The following SOX5 variants were observed in gnomAD, a reference collection of about 807,000 sequenced individuals.
SOX5 encodes the protein transcription factor SOX-5.
SOX5 carries 9 observed loss-of-function variants against 92.0 expected under a neutral mutation model. The ratio of observed to expected loss-of-function variants is 0.10; its 90% CI spans 0.06 to 0.17. The LOEUF (loss-of-function observed/expected upper bound fraction) is 0.17, where lower values mean the gene tolerates loss of function less well. Among genes scored for constraint, SOX5 ranks in the 10% least tolerant of loss-of-function variants. The pLI is 1.00. For missense variants in SOX5, 642 were observed against 944.5 expected, an observed-to-expected ratio of 0.68 and a Z score of 4.20; for synonymous variants, 344 against 336.3, an observed-to-expected ratio of 1.02 and a Z score of -0.25.
chr12:23,607,589 G>A (rs1181766463), intron 8 of SOX5, among the ~76,000 whole-genome samples: 1 of 152,104 alleles, frequency 6.6e-6, no homozygotes, highest in Non-Finnish European at 1.5e-5. Flanking sequence ...GAAATGATGA[G>A]CAGTTTCCTT....
At chr12:24,286,857 T>C (rs1945927097) in intron 2 of SOX5, among the ~76,000 whole-genome samples, 1 of 152,240 alleles carries the variant, frequency 6.6e-6, no homozygotes, top group Non-Finnish European at 1.5e-5. Flanking sequence ...TTGTTACTTA[T>C]CCAAGTGATC....
intron 2 of SOX5, among the ~76,000 whole-genome samples, chr12:23,888,507 T>C (rs1017942256): frequency 6.6e-6 from 1 of 152,216 alleles, no homozygotes; most frequent in Non-Finnish European, 1.5e-5. Context: ...GTGGACATCA[T>C]ATGAATGAAT....
chr12:24,489,808 A>G (rs1272072036), intron 1 of SOX5, among the ~76,000 whole-genome samples: 1 of 152,184 alleles, frequency 6.6e-6, no homozygotes, highest in Non-Finnish European at 1.5e-5. Context: ...TCTGATGGCT[A>G]CAAAGGGGTG....
chr12:23,615,293 G>T (rs1026835806), intron 8 of SOX5, among the ~76,000 whole-genome samples: 25 of 151,786 alleles, frequency 1.6e-4, no homozygotes, highest in Non-Finnish European at 3.5e-4. Context: ...AAAAAATTAA[G>T]CTGTCTTATT....
intron 4 of SOX5, among the ~76,000 whole-genome samples, chr12:24,016,924 T>C (rs1480261910): frequency 6.6e-6 from 1 of 152,202 alleles, no homozygotes; most frequent in Non-Finnish European, 1.5e-5. Flanking sequence ...CAAAACCACT[T>C]TACTTTTCAG....
intron 9 of SOX5, among the ~76,000 whole-genome samples, chr12:23,602,126 A>T (rs1400347654): frequency 6.6e-6 from 1 of 152,166 alleles, no homozygotes; most frequent in East Asian, 1.9e-4. Flanking sequence ...TCAAAGAAGA[A>T]CTATATTTTT....
intron 2 of SOX5, among the ~76,000 whole-genome samples, chr12:23,850,333 G>A (rs2096617906): frequency 6.6e-6 from 1 of 151,716 alleles, no homozygotes; most frequent in African/African-American, 2.4e-5. Context: ...GGAGGCTGAG[G>A]CAGGAGAATC....
At chr12:24,435,599 AAAG>A (rs1410863511) in intron 1 of SOX5, among the ~76,000 whole-genome samples, 1 of 152,268 alleles carries the variant, frequency 6.6e-6, no homozygotes, top group East Asian at 1.9e-4. Context: ...AATATTTACA[AAAG>A]AAGCAAATGA....
At position 23,775,722 on chromosome 12, in the gene SOX5, A is replaced by AT. The variant is rs1161080704; in HGVS notation, c.482-19999dup. Among the ~76,000 whole-genome samples the AT allele has an allele frequency of 4.6e-5, 7 of 152,202 alleles. No individual in the cohort carries two copies. In the East Asian group the frequency reaches 1.3e-3, roughly 29 times the overall value. Reference sequence around the variant, plus strand: ...CTGTGGCCATCTACATGCTTTGCCAATTAGCTGAGTTCATTGTCACTTCTG... The same window carrying AT: ...CTGTGGCCATCTACATGCTTTGCCAATTTAGCTGAGTTCATTGTCACTTCTG... On this transcript the variant is annotated intron_variant, in intron 3 of 14. Coordinates refer to ENST00000451604, the MANE Select transcript of SOX5 (RefSeq NM_006940.6).
intron 4 of SOX5, among the ~76,000 whole-genome samples, chr12:24,126,039 C>A (rs552536844): frequency 6.6e-6 from 1 of 152,294 alleles, no homozygotes; most frequent in Non-Finnish European, 1.5e-5. Context: ...CTCCAATTTA[C>A]AGGTTCTCTT....
At chr12:23,789,144 G>T (rs1477436028) in intron 3 of SOX5, among the ~76,000 whole-genome samples, 2 of 151,166 alleles carry the variant, frequency 1.3e-5, no homozygotes, top group African/African-American at 4.9e-5. Context: ...GCAGAGAAAA[G>T]AAAGAAAGAA....
chr12:23,611,384 G>A (rs1034396117), intron 8 of SOX5, among the ~76,000 whole-genome samples: 2 of 143,456 alleles, frequency 1.4e-5, no homozygotes, highest in African/African-American at 5.0e-5. Context: ...GTGTGTGTGT[G>A]TGTGTGTGTG....
At chr12:23,740,814 A>G (rs1281602098) in intron 5 of SOX5, 53 bp downstream of exon 5, 1 of 1,450,356 alleles carries the variant, frequency 6.9e-7, no homozygotes, top group Non-Finnish European at 9.5e-7. Context: ...ACCTATAAGT[A>G]GCAGGCAAAG....
intron 4 of SOX5, among the ~76,000 whole-genome samples, chr12:24,108,520 A>C (rs1417723640): frequency 6.6e-6 from 1 of 152,108 alleles, no homozygotes; most frequent in African/African-American, 2.4e-5. Flanking sequence ...TTAACTCTCT[A>C]ATTATTTGTT....
rs572777398 is a variant in SOX5, at chr12:23,549,593, A to C, written c.1489-3169T>G. 1.2e-3 allele frequency among the ~76,000 whole-genome samples: 188 copies of C among 152,074 alleles called. 1 individual carries two copies. Among genetic ancestry groups the C allele is most frequent in the Middle Eastern group, 3.4e-3 (1 of 294 alleles). On this transcript the variant is annotated intron_variant, in intron 11 of 14. Coordinates refer to ENST00000451604, the MANE Select transcript of SOX5 (RefSeq NM_006940.6). ...TTAAAGGAATACTCGCCAGAATTCT[A>C]AATGCGCTGAATGATGTCAGAATAG...
intron 2 of SOX5, among the ~76,000 whole-genome samples, chr12:24,341,712 T>C (rs904182477): frequency 1.3e-5 from 2 of 152,168 alleles, no homozygotes; most frequent in Non-Finnish European, 2.9e-5. Flanking sequence ...ACTGGCAGGA[T>C]ACAGTAAATG....
intron 11 of SOX5, among the ~76,000 whole-genome samples, chr12:23,553,299 C>A (rs1253657546): frequency 4.6e-5 from 7 of 152,008 alleles, no homozygotes; most frequent in African/African-American, 1.7e-4. Flanking sequence ...TAAAGACACA[C>A]TTACACGTCC....
intron 9 of SOX5, among the ~76,000 whole-genome samples, chr12:23,595,618 C>CAAAAA (rs747265656): frequency 1.1e-4 from 5 of 46,310 alleles, no homozygotes; most frequent in African/African-American, 3.6e-4. Context: ...GACTCTGCCT[C>CAAAAA]AAAAAAAAAA....
intron 4 of SOX5, among the ~76,000 whole-genome samples, chr12:24,176,977 G>GTTTTTTTTTTTTTTTTTTTTTT (rs11295163): frequency 7.4e-6 from 1 of 135,102 alleles, no homozygotes; most frequent in African/African-American, 2.8e-5. Context: ...TTTGTTTTTT[G>GTTTTTTTTTTTTTTTTTTTTTT]TTTTTTTTTT....
Sources: allele counts gnomAD v4.1 joint callset (sites outside exome capture counted in the v4.1 genomes callset), GRCh38; gene constraint gnomAD v4.1.1; transcripts MANE v1.5; gene names NCBI Gene and HGNC (gene_info 2026-07-23, HGNC 2026-07-21).